CHRDL1: variants seen among roughly 807,000 people sequenced by gnomAD.
The protein encoded by CHRDL1 is chordin like 1.
A neutral mutation model predicts 40.9 loss-of-function variants in CHRDL1; 19 were observed. The observed-to-expected ratio is 0.46, with a 90% CI of 0.32 to 0.68. The LOEUF (loss-of-function observed/expected upper bound fraction) is 0.68. Ranked by LOEUF, CHRDL1 falls within the 30% of genes least tolerant of loss-of-function variation. The probability of loss-of-function intolerance (pLI) is 0.03; values close to 1 mark genes in which losing one functional copy is unlikely to be tolerated. For synonymous variants in CHRDL1, 136 were observed against 123.4 expected, an observed-to-expected ratio of 1.10 and a Z score of -0.68; for missense variants, 329 against 352.1, an observed-to-expected ratio of 0.93 and a Z score of 0.53.
chrX:110,739,485 T>G (rs926486253), intron 4 of CHRDL1, among the ~76,000 whole-genome samples: 2 of 111,476 alleles, frequency 1.8e-5, no homozygotes, highest in Admixed American at 9.5e-5. Flanking sequence ...TTCCCTAAAC[T>G]AAGGACCACA....
At chrX:110,750,788 G>A (rs1388444644) in intron 4 of CHRDL1, among the ~76,000 whole-genome samples, 2 of 111,937 alleles carry the variant, frequency 1.8e-5, no homozygotes, top group Non-Finnish European at 3.8e-5. Context: ...GCAGCCTTTG[G>A]GTGGGAGCTC....
Position 110,719,844 on chromosome X carries a change from C to G in CHRDL1, c.532G>C (p.Val178Leu), listed in dbSNP as rs761031205. The G allele has an allele frequency of 8.3e-7, 1 of 1,199,466 alleles. No individual in the cohort carries two copies. The highest frequency in any genetic ancestry group is 1.1e-6 in the Non-Finnish European group (1 of 884,932). Residue 178 changes from valine to leucine, a missense_variant, in exon 6 of 12, where the codon GTA becomes CTA. Transcript: ENST00000372042. ...PVSVPDSCCR[V>L]CRGDGELSWE... ...GATATAACACACCTACCTCTGCATACCCGGCAGCAGGAATCTGGAACAGAG... is the reference window on the plus strand; with the variant it reads ...GATATAACACACCTACCTCTGCATAGCCGGCAGCAGGAATCTGGAACAGAG...
chrX:110,725,141 G>A (rs6642449), intron 4 of CHRDL1, among the ~76,000 whole-genome samples: 2,729 of 111,936 alleles, frequency 0.024, 79 homozygotes, highest in African/African-American at 0.083. Context: ...ATTGTAGGGT[G>A]AGCAGACAAG....
intron 4 of CHRDL1, among the ~76,000 whole-genome samples, chrX:110,735,041 G>A (rs372912878): frequency 2.7e-5 from 3 of 110,356 alleles, no homozygotes; most frequent in East Asian, 5.7e-4. Flanking sequence ...TTTTTTGAAG[G>A]TCAATGACCC....
chrX:110,762,906 A>G (rs781111111), intron 2 of CHRDL1, 99 bp from the exon 3 acceptor site: 1 of 526,434 alleles, frequency 1.9e-6, no homozygotes, highest in Non-Finnish European at 3.3e-6. Context: ...ATTATACATC[A>G]AGAGAAGTGG....
At chrX:110,721,127 A>G (rs1023423250) in intron 5 of CHRDL1, among the ~76,000 whole-genome samples, 1 of 112,129 alleles carries the variant, frequency 8.9e-6, no homozygotes, top group African/African-American at 3.2e-5. Flanking sequence ...GCCGATCAAC[A>G]CAAACAGCTC....
chrX:110,738,755 C>A lies in CHRDL1; in HGVS notation c.302-17225G>T, dbSNP rs377473871. ...AGACTCCTTCAAAAAAAAAAAAAAA[C>A]AATGAATAGGATTAACATAATTATT... On this transcript the variant is annotated intron_variant, in intron 4 of 11. Transcript: ENST00000372042. Among the ~76,000 whole-genome samples the A allele has an allele frequency of 2.0e-4, 20 of 102,432 alleles. No homozygotes were observed. In the South Asian group the frequency reaches 4.2e-3, roughly 21 times the overall value. 88.9% of individuals were successfully genotyped at this position (102,432 alleles called of 115,157 possible).
intron 2 of CHRDL1, among the ~76,000 whole-genome samples, chrX:110,778,684 C>T (rs1054557214): frequency 8.9e-6 from 1 of 111,831 alleles, no homozygotes; most frequent in African/African-American, 3.2e-5. Context: ...TTGTGGAAAG[C>T]AGTGTGGTGA....
chrX:110,693,268 A>G (rs984448551), intron 8 of CHRDL1, among the ~76,000 whole-genome samples: 1 of 111,880 alleles, frequency 8.9e-6, no homozygotes, highest in African/African-American at 3.3e-5. Context: ...CTAAGTGGAC[A>G]GCATGTCAGT....
At chrX:110,714,743 G>C (rs1478534829) in intron 6 of CHRDL1, among the ~76,000 whole-genome samples, 1 of 111,707 alleles carries the variant, frequency 9.0e-6, no homozygotes, top group Non-Finnish European at 1.9e-5. Context: ...ACAGTGCAGA[G>C]AGGCTATTTC....
At chrX:110,695,274 A>T (rs970595733) in intron 7 of CHRDL1, among the ~76,000 whole-genome samples, 1 of 111,944 alleles carries the variant, frequency 8.9e-6, no homozygotes, top group Non-Finnish European at 1.9e-5. Context: ...AGCTCTACGA[A>T]ATCAAGGACT....
intron 6 of CHRDL1, among the ~76,000 whole-genome samples, chrX:110,708,818 GT>G (rs1466642906): frequency 1.8e-5 from 2 of 111,614 alleles, no homozygotes; most frequent in Non-Finnish European, 3.8e-5. Context: ...ACAGATCCAA[GT>G]TTATGGTGAG....
chrX:110,699,494 T>C (rs748966573), intron 7 of CHRDL1, among the ~76,000 whole-genome samples: 17 of 112,345 alleles, frequency 1.5e-4, no homozygotes, highest in African/African-American at 4.2e-4. Flanking sequence ...ACAAAACTAA[T>C]TGATGCTTAT....
chrX:110,721,062 A>G (rs2070942166), intron 5 of CHRDL1, among the ~76,000 whole-genome samples: 1 of 111,824 alleles, frequency 8.9e-6, no homozygotes, highest in South Asian at 3.8e-4. Context: ...AGCTTCAAAT[A>G]ATTGTGAGTC....
chrX:110,700,622 A>C (rs1364258608), intron 7 of CHRDL1, 32 bp downstream of exon 7: 8 of 973,438 alleles, frequency 8.2e-6, no homozygotes, highest in Middle Eastern at 2.6e-4. Flanking sequence ...GATGCTGTGG[A>C]GTGTTGAATT....
chrX:110,778,781 C>A (rs190403439), intron 2 of CHRDL1, among the ~76,000 whole-genome samples: 18 of 111,766 alleles, frequency 1.6e-4, no homozygotes, highest in Non-Finnish European at 2.8e-4. Flanking sequence ...AATCACTCTA[C>A]CATAAAGACA....
chrX:110,789,531 C>T (rs1401370832), intron 2 of CHRDL1, among the ~76,000 whole-genome samples: 4 of 112,015 alleles, frequency 3.6e-5, no homozygotes, highest in African/African-American at 1.3e-4. Context: ...TTAAATAAAC[C>T]AATGCAAACT....
intron 6 of CHRDL1, among the ~76,000 whole-genome samples, chrX:110,713,822 C>T (rs964005131): frequency 8.9e-6 from 1 of 112,162 alleles, no homozygotes; most frequent in Admixed American, 9.4e-5. Context: ...TACATTTAGA[C>T]ACCATTTACT....
At chrX:110,718,956 A>C (rs1309576330) in intron 6 of CHRDL1, among the ~76,000 whole-genome samples, 1 of 111,745 alleles carries the variant, frequency 8.9e-6, no homozygotes, top group East Asian at 2.8e-4. Context: ...ATGGCAATAA[A>C]GTATCTTATG....
Sources: gnomAD v4.1 joint callset for allele counts (sites outside exome capture counted in the v4.1 genomes callset) on GRCh38, gnomAD v4.1.1 for gene constraint, MANE v1.5 for transcripts, NCBI Gene and HGNC (gene_info 2026-07-23, HGNC 2026-07-21) for gene names.